The following TTC39A variants were observed in gnomAD, a reference collection of about 807,000 sequenced individuals.
TTC39A encodes the protein tetratricopeptide repeat protein 39A.
In TTC39A, 46 loss-of-function variants were observed where a neutral mutation model predicts 82.3. That is an observed-to-expected ratio of 0.56 (90% confidence interval 0.44 to 0.71). The LOEUF (loss-of-function observed/expected upper bound fraction) is 0.71, where lower values mean the gene tolerates loss of function less well. Among genes scored for constraint, TTC39A ranks in the 30% least tolerant of loss-of-function variants. The pLI is 0.00. For synonymous variants in TTC39A, 254 were observed against 275.2 expected, an observed-to-expected ratio of 0.92 and a Z score of 0.76; for missense variants, 543 against 712.9, an observed-to-expected ratio of 0.76 and a Z score of 2.71.
intron 1 of TTC39A, among the ~76,000 whole-genome samples, chr1:51,326,575 T>C (rs1645719790): frequency 6.6e-6 from 1 of 152,232 alleles, no homozygotes; most frequent in Non-Finnish European, 1.5e-5. Flanking sequence ...TTTAAATTGA[T>C]GACTGCATTA....
At chr1:51,310,750 T>C (rs1645051740) in intron 5 of TTC39A, among the ~76,000 whole-genome samples, 1 of 152,226 alleles carries the variant, frequency 6.6e-6, no homozygotes, top group Non-Finnish European at 1.5e-5. Context: ...CATGTGACCT[T>C]GGGAAAGTGA....
chr1:51,289,303 C>T (rs1012095228), intron 16 of TTC39A, among the ~76,000 whole-genome samples: 3 of 152,230 alleles, frequency 2.0e-5, no homozygotes, highest in African/African-American at 4.8e-5. Flanking sequence ...CCTCCTTGCC[C>T]GGTACCCTTT....
rs142731972 is a variant in TTC39A at position 51,309,496 on chromosome 1, T to C, written c.424-171A>G. ...CTGCTCTTTGGCCCAACAAAACCTC[T>C]AAAATGCCCAGGGTTGGACCAGCCT... On this transcript the variant is annotated intron_variant, in intron 5 of 17. Coordinates refer to ENST00000680483, the MANE Select transcript of TTC39A (RefSeq NM_001297663.2). The C allele has an allele frequency of 1.0e-3, 1,443 of 1,430,808 alleles. 11 individuals carry two copies. In the African/African-American group the frequency reaches 0.018, roughly 17 times the overall value. The allele number at this position is 1,430,808 out of a possible 1,614,324, so 88.6% of individuals were successfully genotyped here.
intron 5 of TTC39A, among the ~76,000 whole-genome samples, chr1:51,310,706 CCTA>C (rs1645050710): frequency 6.6e-6 from 1 of 152,206 alleles, no homozygotes; most frequent in Non-Finnish European, 1.5e-5. Flanking sequence ...CTTCGTCAGA[CCTA>C]GGTTCAAATC....
chr1:51,331,018 G>T, upstream of TTC39A: 1 of 732,272 alleles, frequency 1.4e-6, no homozygotes, highest in Non-Finnish European at 2.4e-6. Context: ...GAGACCAGAA[G>T]GCGGGGAAAA....
At chr1:51,344,953 T>C in intron 1 of TTC39A, 2 of 1,525,078 alleles carry the variant, frequency 1.3e-6, no homozygotes, top group East Asian at 2.7e-5. Context: ...CTTGGTCCCG[T>C]CCGCGCCTTC....
chr1:51,338,471 A>G (rs1282479811), intron 1 of TTC39A, among the ~76,000 whole-genome samples: 1 of 152,030 alleles, frequency 6.6e-6, no homozygotes, highest in Non-Finnish European at 1.5e-5. Context: ...TTCTAGAGGC[A>G]GCAGGCAAGT....
intron 2 of TTC39A, among the ~76,000 whole-genome samples, chr1:51,315,177 G>A (rs570936099): frequency 5.3e-5 from 8 of 152,294 alleles, no homozygotes; most frequent in South Asian, 2.1e-4. Context: ...AGCCCCACCC[G>A]GGCAGCTGGC....
chr1:51,338,596 A>G (rs960461867), intron 1 of TTC39A, among the ~76,000 whole-genome samples: 2 of 131,754 alleles, frequency 1.5e-5, no homozygotes, highest in East Asian at 2.2e-4. Flanking sequence ...GTGGAGATTT[A>G]TCTTTTTTTT....
At chr1:51,330,826 C>T (rs186259890), upstream of TTC39A, 16 of 462,186 alleles carry the variant, frequency 3.5e-5, no homozygotes, top group African/African-American at 1.6e-4. The surrounding 1 kb of genome is among the most constrained non-coding windows in gnomAD (Gnocchi z 4.5). Flanking sequence ...AGAAGTTCTT[C>T]TCCGGGACCT....
chr1:51,311,326 G>A lies in TTC39A; in HGVS notation c.356-5C>T. On this transcript the variant is annotated splice_region_variant and splice_polypyrimidine_tract_variant and intron_variant, in intron 4 of 17. Transcript: ENST00000680483. ...AGACCTCAGCGTGGATTTCCTCTGT[G>A]GGGAGAAAACCAAAGCCCCGTGGCC... 1.3e-6 allele frequency: 2 copies of A among 1,571,910 alleles called. No homozygotes were observed. Among genetic ancestry groups the A allele is most frequent in the Non-Finnish European group, 1.7e-6 (2 of 1,158,974 alleles).
chr1:51,296,119 C>T lies in TTC39A; in HGVS notation c.1105G>A (p.Asp369Asn), dbSNP rs1250800352. ...AAYLSMFGKE[D>N]HKPFGDDEVE... ...TCGTCGTCCCCGAACGGCTTGTGGT[C>T]CTCCTTCCCAAACATGCTGAGGTAG... The change falls in exon 13 of 18, where the codon GAC (aspartate) becomes AAC (asparagine). Residue 369 changes from aspartate (D) to asparagine (N), a missense_variant. By Grantham distance (23) the Asp-to-Asn change is conservative (BLOSUM62 1). Transcript: ENST00000680483. The T allele has an allele frequency of 1.3e-6, 2 of 1,599,934 alleles. No homozygotes were observed. Among genetic ancestry groups the T allele is most frequent in the Admixed American group, 1.7e-5 (1 of 57,940 alleles).
intron 2 of TTC39A, among the ~76,000 whole-genome samples, chr1:51,317,449 T>C (rs1232495714): frequency 1.3e-5 from 2 of 152,068 alleles, no homozygotes; most frequent in Non-Finnish European, 2.9e-5. Flanking sequence ...GGAGGAAAAC[T>C]GTTAAAAAGA....
At chr1:51,303,811 C>A (rs1644772994) in intron 8 of TTC39A, among the ~76,000 whole-genome samples, 1 of 152,236 alleles carries the variant, frequency 6.6e-6, no homozygotes, top group Non-Finnish European at 1.5e-5. Flanking sequence ...GTAGGTCCCG[C>A]AACCCTCCTG....
chr1:51,330,439 C>T lies in TTC39A; in HGVS notation c.39G>A (p.Ala13=), dbSNP rs1301934499. The T allele has an allele frequency of 7.1e-6, 7 of 982,938 alleles. No individual in the cohort carries two copies. The highest frequency in any genetic ancestry group is 7.2e-6 in the Non-Finnish European group (6 of 829,756). 60.9% of individuals were successfully genotyped at this position (982,938 alleles called of 1,614,324 possible). A position where few individuals can be genotyped will look rare whatever the true frequency, so the allele number is the denominator to read the frequency against. The part of the protein sequence containing the change: ...SAGGAPGALP[A]GTPESSLHEA... ...GGGCCTCCCAGCCGCGCACTTACCC[C>T]GCGGGCAGGGCTCCTGGGGCGCCGC... Residue 13 remains alanine (A), a splice_region_variant and synonymous_variant, in exon 1 of 18, where the codon GCG becomes GCA. Transcript: ENST00000680483. This position sits in a 1 kb window ranked among gnomAD's most constrained non-coding sequence, Gnocchi z 4.5.
Position 51,306,086 on chromosome 1 carries a change from G to T in TTC39A, c.489-10C>A, listed in dbSNP as rs1488671638. The T allele has an allele frequency of 6.2e-7, 1 of 1,609,294 alleles. No homozygotes were observed. ...AAGGCTGTCCAGCTCCCTGCAGAGA[G>T]ATGCCAAGTCCTGTTTCAGCCACTG... On this transcript the variant is annotated splice_polypyrimidine_tract_variant and intron_variant, in intron 6 of 17. Coordinates refer to ENST00000680483, the MANE Select transcript of TTC39A (RefSeq NM_001297663.2).
In TTC39A at chr1:51,296,088, T is replaced by C. The variant is rs1644409985; in HGVS notation, c.1136A>G (p.Glu379Gly). The stretch of plus-strand genomic sequence containing the variant: ...ACGATGTGGGACCCACCGAAATAAT[T>C]CCACTTCGTCGTCCCCGAACGGCTT... ...DHKPFGDDEV[E>G]LFRAVPGLKL... The change falls in exon 13 of 18, where the codon GAA becomes GGA. Residue 379 changes from glutamate (E) to glycine (G), a missense_variant. Transcript: ENST00000680483. 1 of 1,586,674 alleles carries C rather than the reference T, an allele frequency of 6.3e-7. No individual in the cohort carries two copies.
chr1:51,319,436 A>G (rs990377560), intron 2 of TTC39A, among the ~76,000 whole-genome samples: 4 of 152,234 alleles, frequency 2.6e-5, no homozygotes, highest in African/African-American at 9.6e-5. Context: ...ACCATCGTAC[A>G]AGAGCACTTC....
chr1:51,311,143 C>T (rs559841716), intron 5 of TTC39A, 111 bp downstream of exon 5: 3 of 1,028,860 alleles, frequency 2.9e-6, no homozygotes, highest in African/African-American at 3.2e-5. Context: ...GGGGATGAGT[C>T]GTGGTTGCTA....
Sources: gnomAD v4.1 joint callset for allele counts (sites outside exome capture counted in the v4.1 genomes callset) on GRCh38, gnomAD v4.1.1 for gene constraint, Gnocchi (gnomAD v3.1) non-coding constraint, MANE v1.5 for transcripts, NCBI Gene and HGNC (gene_info 2026-07-23, HGNC 2026-07-21) for gene names.